The following NCR1 variants were observed in gnomAD, a reference collection of about 807,000 sequenced individuals.
NCR1 encodes natural cytotoxicity triggering receptor 1.
In NCR1, 30 loss-of-function variants were observed where a neutral mutation model predicts 32.5. The ratio of observed to expected loss-of-function variants is 0.92; its 90% CI spans 0.69 to 1.25. The LOEUF is 1.25. Ranked by LOEUF, NCR1 falls within the 50% of genes most tolerant of loss-of-function variation. NCR1 has a pLI of 0.00. For missense variants in NCR1, 369 were observed against 380.7 expected (o/e 0.97, Z 0.26); for synonymous variants, 169 against 143.4 (o/e 1.18, Z -1.28).
chr19:54,907,893 A>G (rs587750951), intron 3 of NCR1, among the ~76,000 whole-genome samples: 50 of 152,202 alleles, frequency 3.3e-4, no homozygotes, highest in African/African-American at 1.1e-3. Flanking sequence ...TGAAATATAT[A>G]TATTTTTTGT....
intron 6 of NCR1, 89 bp from the exon 7 acceptor site, chr19:54,912,601 A>G: frequency 9.0e-5 from 1 of 11,060 alleles, no homozygotes; most frequent in African/African-American, 1.5e-3. Context: ...CTCTGTCTCA[A>G]AAAAAAAAAA....
chr19:54,913,831 G>A (rs2068076063), downstream of NCR1, among the ~76,000 whole-genome samples: 1 of 152,100 alleles, frequency 6.6e-6, no homozygotes, highest in Admixed American at 6.6e-5. Flanking sequence ...ACTTTGGGAG[G>A]CCAAGGTGGG....
the NCR1 span, among the ~76,000 whole-genome samples, chr19:54,927,974 C>T: frequency 6.6e-6 from 1 of 152,026 alleles, no homozygotes. Flanking sequence ...ACACCTGTAG[C>T]CCCAGCACCT....
chr19:54,929,475 T>C, the NCR1 span, among the ~76,000 whole-genome samples: 5 of 152,276 alleles, frequency 3.3e-5, no homozygotes, highest in African/African-American at 1.2e-4. Flanking sequence ...CAGATTCTAG[T>C]TGGAAAATAG....
downstream of NCR1, among the ~76,000 whole-genome samples, chr19:54,918,091 T>A (rs756346006): frequency 3.3e-5 from 5 of 151,756 alleles, no homozygotes; most frequent in Non-Finnish European, 5.9e-5. Context: ...GCCCGCCACC[T>A]AGCCCGGCTA....
At chr19:54,924,911 C>T in the NCR1 span, among the ~76,000 whole-genome samples, 11 of 152,148 alleles carry the variant, frequency 7.2e-5, no homozygotes, top group African/African-American at 2.2e-4. Flanking sequence ...TACTGCAGCC[C>T]GGGTGACAGA....
In NCR1 at chr19:54,910,119, A is replaced by G. The variant is rs937279882; in HGVS notation, c.682+54A>G. On this transcript the variant is annotated intron_variant, in intron 5 of 6. Transcript: ENST00000291890. ...CGAGCGATCAGAGCCTCCCAGTGACACTAAAAACGTGGCATTCATTCAAAA... is the reference window on the plus strand; with the variant it reads ...CGAGCGATCAGAGCCTCCCAGTGACGCTAAAAACGTGGCATTCATTCAAAA... 10 of 1,541,024 alleles carry G rather than the reference A, an allele frequency of 6.5e-6. No individual in the cohort carries two copies. In the African/African-American group the frequency reaches 1.2e-4, roughly 19 times the overall value.
upstream of NCR1, among the ~76,000 whole-genome samples, chr19:54,904,795 G>A (rs2067469646): frequency 6.6e-6 from 1 of 152,164 alleles, no homozygotes; most frequent in Admixed American, 6.6e-5. Flanking sequence ...GCCTCCCAAA[G>A]TGCTGGGATG....
rs758643557 is a variant in NCR1, at chr19:54,906,754, G to A, written c.302G>A (p.Arg101Gln). The A allele has an allele frequency of 5.0e-6, 8 of 1,614,056 alleles. No homozygotes were observed. The highest frequency in any genetic ancestry group is 6.8e-6 in the Non-Finnish European group (8 of 1,180,044). Residue 101 changes from arginine to glutamine, a missense_variant, in exon 3 of 7, where the codon CGG (arginine) becomes CAG (glutamine). Coordinates refer to ENST00000291890, the MANE Select transcript of NCR1 (RefSeq NM_004829.7). ...GCAGGGCAATACAGCTGCATCTATCGGGTTGGGGAGCTCTGGTCAGAGCCC... is the reference window on the plus strand; with the variant it reads ...GCAGGGCAATACAGCTGCATCTATCAGGTTGGGGAGCTCTGGTCAGAGCCC... Reference protein sequence around the residue: ...RMAGQYSCIYRVGELWSEPSN... With the variant: ...RMAGQYSCIYQVGELWSEPSN...
At chr19:54,907,126 C>T (rs1048774208) in intron 3 of NCR1, among the ~76,000 whole-genome samples, 3 of 151,324 alleles carry the variant, frequency 2.0e-5, no homozygotes, top group Non-Finnish European at 4.4e-5. Context: ...CACTTTGCTT[C>T]CCTCACCCAT....
downstream of NCR1, among the ~76,000 whole-genome samples, chr19:54,916,384 G>A (rs191820953): frequency 8.1e-4 from 113 of 140,104 alleles, no homozygotes; most frequent in African/African-American, 2.8e-3. Context: ...GCAGTGGCGC[G>A]ATCTTGACTC....
chr19:54,905,692 A>C (rs114699037), upstream of NCR1, among the ~76,000 whole-genome samples: 8,565 of 152,278 alleles, frequency 0.056, 307 homozygotes, highest in Middle Eastern at 0.12. Context: ...CAGGCAGTTC[A>C]TGTTTAAAGG....
chr19:54,936,186 CT>C, the NCR1 span: 4 of 1,393,130 alleles, frequency 2.9e-6, no homozygotes, highest in South Asian at 1.2e-5. Flanking sequence ...AGTGGTTACC[CT>C]TTTTCCTAGA....
the NCR1 span, among the ~76,000 whole-genome samples, chr19:54,922,778 C>CAAAAAAAAAAA: frequency 7.6e-5 from 3 of 39,436 alleles, no homozygotes; most frequent in Non-Finnish European, 1.3e-4. Flanking sequence ...AACTCCGTCT[C>CAAAAAAAAAAA]AAAAAAAAAA....
the NCR1 span, chr19:54,923,703 C>T: frequency 2.7e-5 from 43 of 1,611,320 alleles, no homozygotes; most frequent in South Asian, 2.7e-4. Context: ...ACCCGAATCC[C>T]GCTTCCTGTG....
the NCR1 span, among the ~76,000 whole-genome samples, chr19:54,934,029 C>CT: frequency 1.3e-5 from 2 of 152,160 alleles, no homozygotes; most frequent in African/African-American, 2.4e-5. The surrounding 1 kb of genome is among the most constrained non-coding windows in gnomAD (Gnocchi z 6.7). Context: ...TGCCAATCGC[C>CT]GCCTCCCAGG....
At chr19:54,901,182 C>G (rs1465594634), upstream of NCR1, among the ~76,000 whole-genome samples, 2 of 146,236 alleles carry the variant, frequency 1.4e-5, no homozygotes, top group Non-Finnish European at 3.0e-5. Flanking sequence ...CCTAGCTACT[C>G]AGGAGGCTGA....
At chr19:54,934,480 G>A in the NCR1 span, 13 of 1,613,912 alleles carry the variant, frequency 8.1e-6, no homozygotes, top group Non-Finnish European at 1.1e-5. The surrounding 1 kb of genome is among the most constrained non-coding windows in gnomAD (Gnocchi z 6.7). Flanking sequence ...ATGGGAAGAG[G>A]AGACTTACGA....
the NCR1 span, among the ~76,000 whole-genome samples, chr19:54,935,768 A>T: frequency 2.6e-5 from 4 of 151,764 alleles, no homozygotes; most frequent in African/African-American, 9.7e-5. Flanking sequence ...CTAACTCCTG[A>T]TGATCTGAGA....
Sources: allele counts gnomAD v4.1 joint callset (sites outside exome capture counted in the v4.1 genomes callset), GRCh38; gene constraint gnomAD v4.1.1; non-coding constraint Gnocchi (gnomAD v3.1); transcripts MANE v1.5; gene names NCBI Gene and HGNC (gene_info 2026-07-23, HGNC 2026-07-21).